The following ZFYVE28 variants were observed in gnomAD, a reference collection of about 807,000 sequenced individuals.
ZFYVE28 encodes lateral signaling target protein 2 homolog.
Under a neutral mutation model 82.1 loss-of-function variants are expected in ZFYVE28, and 40 were observed. The ratio of observed to expected loss-of-function variants is 0.49; its 90% CI spans 0.38 to 0.63. The LOEUF (loss-of-function observed/expected upper bound fraction) is 0.63, where lower values mean the gene tolerates loss of function less well. Among genes scored for constraint, ZFYVE28 ranks in the 30% least tolerant of loss-of-function variants. The pLI is 0.00. For missense variants in ZFYVE28, 1,321 were observed against 1,242.1 expected (o/e 1.06, Z -0.96); for synonymous variants, 612 against 546.1 (o/e 1.12, Z -1.68).
chr4:2,359,266 C>A (rs1725786542), intron 1 of ZFYVE28, among the ~76,000 whole-genome samples: 2 of 151,938 alleles, frequency 1.3e-5, no homozygotes, highest in Non-Finnish European at 2.9e-5. Flanking sequence ...CAGGGGTGAG[C>A]CACCGTGCCC....
At chr4:2,308,279 C>A (rs906692222) in intron 7 of ZFYVE28, among the ~76,000 whole-genome samples, 1 of 152,082 alleles carries the variant, frequency 6.6e-6, no homozygotes, top group Non-Finnish European at 1.5e-5. Context: ...GCCACTGTGC[C>A]TGGCCTTTGT....
At chr4:2,356,724 G>A (rs764449650) in intron 1 of ZFYVE28, among the ~76,000 whole-genome samples, 23 of 152,226 alleles carry the variant, frequency 1.5e-4, no homozygotes, top group Non-Finnish European at 2.5e-4. Flanking sequence ...GCTCTACTGC[G>A]TGGAAGGAGA....
chr4:2,348,894 C>A (rs1723957493), intron 2 of ZFYVE28, among the ~76,000 whole-genome samples: 1 of 152,148 alleles, frequency 6.6e-6, no homozygotes, highest in South Asian at 2.1e-4. Flanking sequence ...TACCAGAGAA[C>A]TAAAATGATG....
Position 2,418,421 on chromosome 4 carries a change from CG to C in ZFYVE28, c.-99del. On this transcript the variant is annotated 5_prime_UTR_variant, in exon 1 of 13. Transcript: ENST00000290974. This position sits in a 1 kb window ranked among gnomAD's most constrained non-coding sequence, Gnocchi z 4.6. ...CGCGGGGCGGACGCGGAGGCACGGC[CG>C]GAGCCCCCGCGCTGTCGCAGGGAGG... 1 of 986,420 alleles carries C rather than the reference CG, an allele frequency of 1.0e-6. No individual in the cohort carries two copies. The highest frequency in any genetic ancestry group is 1.2e-6 in the Non-Finnish European group (1 of 803,564). The allele number at this position is 986,420 out of a possible 1,614,324, so 61.1% of individuals were successfully genotyped here.
At chr4:2,354,294 G>T (rs1045350045) in intron 1 of ZFYVE28, among the ~76,000 whole-genome samples, 1 of 152,082 alleles carries the variant, frequency 6.6e-6, no homozygotes, top group African/African-American at 2.4e-5. Flanking sequence ...GGTCCCCAGG[G>T]CCCCTGCATT....
At position 2,271,517 on chromosome 4, in the gene ZFYVE28, G is replaced by A. The variant is rs144427133; in HGVS notation, c.2429-103C>T. On this transcript the variant is annotated intron_variant, in intron 11 of 12. Coordinates refer to ENST00000290974, the MANE Select transcript of ZFYVE28 (RefSeq NM_020972.3). Reference sequence around the variant, plus strand: ...GCCCTCCTTTCCAGACTGCCAAGCCGCCTGGCCTCCAGCCAGCCTCCGGGG... The same window carrying A: ...GCCCTCCTTTCCAGACTGCCAAGCCACCTGGCCTCCAGCCAGCCTCCGGGG... 0.01 allele frequency: 14,535 copies of A among 1,449,000 alleles called. 100 individuals are homozygous for A. Among genetic ancestry groups the A allele is most frequent in the Middle Eastern group, 0.019 (107 of 5,508 alleles). The allele number at this position is 1,449,000 out of a possible 1,614,324, so 89.8% of individuals were successfully genotyped here.
intron 8 of ZFYVE28, among the ~76,000 whole-genome samples, chr4:2,278,862 G>A (rs1711531769): frequency 6.6e-6 from 1 of 151,272 alleles, no homozygotes; most frequent in South Asian, 2.1e-4. Flanking sequence ...CAACATCACT[G>A]TCAGTCAGGA....
At chr4:2,386,865 C>T (rs966396301) in intron 1 of ZFYVE28, among the ~76,000 whole-genome samples, 4 of 152,276 alleles carry the variant, frequency 2.6e-5, no homozygotes, top group Admixed American at 2.0e-4. Flanking sequence ...CATGCCCGCC[C>T]GCCTGAGGTG....
chr4:2,364,667 GCTTAGCCTGGACAAGCC>G, intron 1 of ZFYVE28: 1 of 985,504 alleles, frequency 1.0e-6, no homozygotes, highest in Middle Eastern at 5.2e-4. Flanking sequence ...CAGAGAACCC[GCTTAGCCTGGACAAGCC>G]CTTAGCACCT....
chr4:2,370,039 C>T (rs1727359736), intron 1 of ZFYVE28, among the ~76,000 whole-genome samples: 1 of 151,372 alleles, frequency 6.6e-6, no homozygotes, highest in African/African-American at 2.4e-5. Context: ...TTAATAGAGA[C>T]GGGTTTCACC....
intron 6 of ZFYVE28, among the ~76,000 whole-genome samples, chr4:2,331,776 G>A (rs1279662819): frequency 6.6e-6 from 1 of 152,172 alleles, no homozygotes; most frequent in Admixed American, 6.5e-5. Context: ...ACCCCACCAG[G>A]CTGGGGACAC....
At chr4:2,385,726 T>C (rs1344511022) in intron 1 of ZFYVE28, among the ~76,000 whole-genome samples, 1 of 151,156 alleles carries the variant, frequency 6.6e-6, no homozygotes, top group Non-Finnish European at 1.5e-5. Flanking sequence ...ATTTCCCTTC[T>C]CACAAAACAA....
chr4:2,341,766 T>C lies in ZFYVE28; in HGVS notation c.181-151A>G. ...TAGGCACGGTGGCTCATGCCTATAA[T>C]GCCAGCACTTTGGGAGGCCGAGGCG... is the stretch of plus-strand genomic sequence containing the variant. On this transcript the variant is annotated intron_variant, in intron 2 of 12. Transcript: ENST00000290974. The surrounding 1 kb of genome is among the most constrained non-coding windows in gnomAD (Gnocchi z 4.5). 2 of 1,170,854 alleles carry C rather than the reference T, an allele frequency of 1.7e-6. No homozygotes were observed. Among genetic ancestry groups the C allele is most frequent in the Non-Finnish European group, 2.4e-6 (2 of 844,878 alleles). 72.5% of individuals were successfully genotyped at this position (1,170,854 alleles called of 1,614,324 possible).
intron 8 of ZFYVE28, among the ~76,000 whole-genome samples, chr4:2,302,476 C>T (rs1715708135): frequency 6.6e-6 from 1 of 152,218 alleles, no homozygotes; most frequent in African/African-American, 2.4e-5. Flanking sequence ...AAAACAAAGA[C>T]AATGACCAGT....
At chr4:2,334,092 C>T (rs963372992) in intron 6 of ZFYVE28, among the ~76,000 whole-genome samples, 12 of 152,244 alleles carry the variant, frequency 7.9e-5, no homozygotes, top group Middle Eastern at 3.4e-3. Flanking sequence ...GGAGGATTTC[C>T]GAGCCTCCCT....
intron 6 of ZFYVE28, chr4:2,324,375 C>T (rs995465862): frequency 1.3e-5 from 2 of 152,342 alleles, no homozygotes; most frequent in Non-Finnish European, 1.5e-5. Flanking sequence ...GTGGTGCTGA[C>T]GTGCGTTTCA....
At chr4:2,328,200 C>A (rs750048392) in intron 6 of ZFYVE28, among the ~76,000 whole-genome samples, 4 of 151,982 alleles carry the variant, frequency 2.6e-5, no homozygotes, top group Non-Finnish European at 5.9e-5. Context: ...TATATATACA[C>A]AATAGAATAC....
intron 1 of ZFYVE28, among the ~76,000 whole-genome samples, chr4:2,390,118 G>C (rs1236639223): frequency 6.6e-6 from 1 of 152,226 alleles, no homozygotes; most frequent in Non-Finnish European, 1.5e-5. Flanking sequence ...GAAATCCAAT[G>C]ACAAGCGTCC....
At chr4:2,330,995 G>A in intron 6 of ZFYVE28, 2 of 1,534,582 alleles carry the variant, frequency 1.3e-6, no homozygotes, top group Non-Finnish European at 8.7e-7. Flanking sequence ...CATCCTGCAG[G>A]CCACGTGGGC....
Sources: allele counts gnomAD v4.1 joint callset (sites outside exome capture counted in the v4.1 genomes callset), GRCh38; gene constraint gnomAD v4.1.1; non-coding constraint Gnocchi (gnomAD v3.1); transcripts MANE v1.5; gene names NCBI Gene and HGNC (gene_info 2026-07-23, HGNC 2026-07-21).